Variants in VWA3B observed in about 807,000 individuals in gnomAD.
VWA3B encodes von Willebrand factor A domain-containing protein 3B.
Under a neutral mutation model 158.3 loss-of-function variants are expected in VWA3B, and 138 were observed. The ratio of observed to expected loss-of-function variants is 0.87; its 90% CI spans 0.76 to 1.00. The LOEUF (loss-of-function observed/expected upper bound fraction) is 1.00. VWA3B is among the 50% of genes least tolerant of loss of function. The pLI, the probability that VWA3B is intolerant of heterozygous loss-of-function variation, is 0.00. For synonymous variants in VWA3B, 596 were observed against 587.3 expected, an observed-to-expected ratio of 1.01 and a Z score of -0.21; for missense variants, 1,555 against 1,565.1, an observed-to-expected ratio of 0.99 and a Z score of 0.11.
At chr2:98,106,888 C>T (rs962014708) in intron 2 of VWA3B, among the ~76,000 whole-genome samples, 6 of 152,150 alleles carry the variant, frequency 3.9e-5, no homozygotes, top group Non-Finnish European at 8.8e-5. Context: ...CTAGAACTTC[C>T]AGCACTATGT....
chr2:98,258,487 T>C (rs1440645195), intron 21 of VWA3B, among the ~76,000 whole-genome samples: 2 of 151,902 alleles, frequency 1.3e-5, no homozygotes, highest in Non-Finnish European at 2.9e-5. Context: ...TCAATGAACA[T>C]AGAATGTCTT....
At chr2:98,286,166 G>C (rs1012987142) in intron 22 of VWA3B, among the ~76,000 whole-genome samples, 57 of 152,030 alleles carry the variant, frequency 3.7e-4, no homozygotes, top group African/African-American at 1.3e-3. Context: ...AATTCTAGTA[G>C]TTTTTGGGTG....
chr2:98,139,825 G>A (rs1410866782), intron 7 of VWA3B, among the ~76,000 whole-genome samples: 1 of 152,186 alleles, frequency 6.6e-6, no homozygotes, highest in African/African-American at 2.4e-5. Flanking sequence ...GGCTGCCCGA[G>A]CCAGCAGTGG....
At chr2:98,314,354 C>T (rs1458112097), downstream of VWA3B, among the ~76,000 whole-genome samples, 1 of 152,196 alleles carries the variant, frequency 6.6e-6, no homozygotes. Flanking sequence ...GAGAAAGGAC[C>T]ACTCAAAGTG....
At chr2:98,205,109 C>CAATA (rs1158612692) in intron 12 of VWA3B, among the ~76,000 whole-genome samples, 1 of 151,976 alleles carries the variant, frequency 6.6e-6, no homozygotes, top group African/African-American at 2.4e-5. Context: ...GACTCTGCCT[C>CAATA]AATAAATAAA....
intron 7 of VWA3B, among the ~76,000 whole-genome samples, chr2:98,135,057 A>G (rs1324180434): frequency 6.6e-6 from 1 of 152,210 alleles, no homozygotes; most frequent in Non-Finnish European, 1.5e-5. Context: ...TAATCTAAGA[A>G]GAAATTAATT....
intron 25 of VWA3B, among the ~76,000 whole-genome samples, chr2:98,301,267 G>A (rs1342582129): frequency 6.6e-6 from 1 of 151,246 alleles, no homozygotes; most frequent in Non-Finnish European, 1.5e-5. Flanking sequence ...TCCAGCCTGG[G>A]CGACACAGCA....
chr2:98,248,540 G>A (rs1049185089), intron 19 of VWA3B, among the ~76,000 whole-genome samples: 10 of 152,118 alleles, frequency 6.6e-5, no homozygotes, highest in Admixed American at 3.9e-4. Context: ...GGCTACATCA[G>A]TGTCCTCTCT....
intron 3 of VWA3B, among the ~76,000 whole-genome samples, chr2:98,118,745 C>CTAAAA (rs112520695): frequency 0.064 from 9,671 of 151,606 alleles, 391 homozygotes; most frequent in East Asian, 0.17. Context: ...CTTGCAACTG[C>CTAAAA]TAAAATAAAA....
chr2:98,087,685 T>G (rs891900664), intron 1 of VWA3B, among the ~76,000 whole-genome samples: 3 of 152,170 alleles, frequency 2.0e-5, no homozygotes, highest in African/African-American at 7.2e-5. Context: ...GGCCAGCAGT[T>G]CAAGGTGATG....
At chr2:98,147,200 A>G (rs1677235545) in intron 7 of VWA3B, among the ~76,000 whole-genome samples, 2 of 152,174 alleles carry the variant, frequency 1.3e-5, no homozygotes, top group South Asian at 4.1e-4. Context: ...ATTAATTAGA[A>G]ACCATGATGT....
Position 98,290,509 on chromosome 2 carries a change from A to G in VWA3B, c.3046-2A>G. ...CAATTATTTCTGCTTTGTCTTTTTC[A>G]GCAACAGAAATTGCAAGGAAATCCA... On this transcript the variant is annotated splice_acceptor_variant, in intron 22 of 27. Coordinates refer to ENST00000477737, the MANE Select transcript of VWA3B (RefSeq NM_144992.5). LOFTEE classifies it high-confidence loss of function. 6.4e-7 allele frequency: 1 copy of G among 1,570,990 alleles called. No individual in the cohort carries two copies. The highest frequency in any genetic ancestry group is 8.6e-7 in the Non-Finnish European group (1 of 1,165,610).
At chr2:98,152,299 T>C (rs781630657) in intron 7 of VWA3B, among the ~76,000 whole-genome samples, 2 of 152,224 alleles carry the variant, frequency 1.3e-5, no homozygotes, top group African/African-American at 2.4e-5. Context: ...AAATTGAACA[T>C]GGTAATTTTC....
rs182817933 is a variant in VWA3B at position 98,165,886 on chromosome 2, A to G, written c.1114+2910A>G. On this transcript the variant is annotated intron_variant, in intron 8 of 27. Coordinates refer to ENST00000477737, the MANE Select transcript of VWA3B (RefSeq NM_144992.5). ...GAACAAAATGAACACCAAGCAGGGGACCCAGGCCAAACCCAGCACCTCCGC... is the reference window on the plus strand; with the variant it reads ...GAACAAAATGAACACCAAGCAGGGGGCCCAGGCCAAACCCAGCACCTCCGC... Among the ~76,000 whole-genome samples, 81 of 152,156 alleles carry G rather than the reference A, an allele frequency of 5.3e-4. 2 individuals carry two copies. Among genetic ancestry groups the G allele is most frequent in the East Asian group, 5.0e-3 (26 of 5,168 alleles).
chr2:98,215,580 C>A (rs1391139664), intron 13 of VWA3B, among the ~76,000 whole-genome samples: 1 of 151,070 alleles, frequency 6.6e-6, no homozygotes, highest in Non-Finnish European at 1.5e-5. Context: ...TGTAGTGGCG[C>A]AATCTCGGCT....
At chr2:98,220,165 TAAAAAAA>T (rs58005028) in intron 14 of VWA3B, among the ~76,000 whole-genome samples, 1 of 83,684 alleles carries the variant, frequency 1.2e-5, no homozygotes, top group African/African-American at 5.0e-5. Context: ...ACCTGTCTCA[TAAAAAAA>T]AAAAAAAAAA....
chr2:98,205,129 G>T (rs1682908486), intron 12 of VWA3B, among the ~76,000 whole-genome samples: 1 of 152,008 alleles, frequency 6.6e-6, no homozygotes, highest in Non-Finnish European at 1.5e-5. Flanking sequence ...ATAAATTAAT[G>T]AATTAATTCT....
chr2:98,273,627 A>G (rs1052942372), intron 22 of VWA3B, among the ~76,000 whole-genome samples: 2 of 151,956 alleles, frequency 1.3e-5, no homozygotes, highest in African/African-American at 4.8e-5. Context: ...TTGCTCTTTC[A>G]CTTATTCATT....
At position 98,211,934 on chromosome 2, in the gene VWA3B, G is replaced by A; in HGVS notation, c.1742G>A (p.Gly581Glu). ...AQSWIRDIKI[G>E]SSTNTLSALK... is the part of the protein sequence containing the mutation. ...TGGTGTCTCTTTTTTCCGTAGATTG[G>A]AAGCTCCACAAACACCCTGAGTGCC... Residue 581 changes from glycine (G) to glutamate (E), a missense_variant, in exon 13 of 28, where the codon GGA (glycine) becomes GAA (glutamate). Coordinates refer to ENST00000477737, the MANE Select transcript of VWA3B (RefSeq NM_144992.5). The A allele has an allele frequency of 6.2e-7, 1 of 1,613,704 alleles. No homozygotes were observed. The highest frequency in any genetic ancestry group is 1.1e-5 in the South Asian group (1 of 91,026).
Sources: allele counts gnomAD v4.1 joint callset (sites outside exome capture counted in the v4.1 genomes callset), GRCh38; gene constraint gnomAD v4.1.1; transcripts MANE v1.5; gene names NCBI Gene and HGNC (gene_info 2026-07-23, HGNC 2026-07-21).